SLC23A2: variants seen among roughly 807,000 people sequenced by gnomAD.
SLC23A2 encodes the protein solute carrier family 23 member 2.
SLC23A2 carries 36 observed loss-of-function variants against 73.3 expected under a neutral mutation model. That is an observed-to-expected ratio of 0.49 (90% CI 0.38 to 0.65). The LOEUF (loss-of-function observed/expected upper bound fraction) is 0.65. Ranked by LOEUF, SLC23A2 falls within the 30% of genes least tolerant of loss-of-function variation. The pLI is 0.00. For synonymous variants in SLC23A2, 343 were observed against 327.3 expected (o/e 1.05, Z -0.52); for missense variants, 507 against 841.6 (o/e 0.60, Z 4.92).
intron 3 of SLC23A2, among the ~76,000 whole-genome samples, chr20:4,923,982 G>A (rs1932582755): frequency 1.3e-5 from 2 of 152,142 alleles, no homozygotes; most frequent in South Asian, 4.2e-4. Context: ...AAGAAGGGAT[G>A]GGAAGGAAAC....
At chr20:4,874,801 T>G in intron 9 of SLC23A2, 105 bp from the exon 10 acceptor site, 1 of 920,026 alleles carries the variant, frequency 1.1e-6, no homozygotes, top group East Asian at 2.6e-5. Context: ...TCAATTCATT[T>G]ACCTAGAAAG....
chr20:4,894,087 A>C (rs954924614), intron 6 of SLC23A2, among the ~76,000 whole-genome samples: 1 of 152,196 alleles, frequency 6.6e-6, no homozygotes, highest in Non-Finnish European at 1.5e-5. Context: ...GCTTTGTACT[A>C]ATTCCCGGAA....
intron 13 of SLC23A2, among the ~76,000 whole-genome samples, chr20:4,864,021 T>C (rs1405711942): frequency 6.6e-6 from 1 of 152,114 alleles, no homozygotes; most frequent in African/African-American, 2.4e-5. Flanking sequence ...TCCCCTGGGT[T>C]CCCGGCACCA....
chr20:4,996,912 T>C (rs2088032690), intron 1 of SLC23A2, among the ~76,000 whole-genome samples: 1 of 152,076 alleles, frequency 6.6e-6, no homozygotes, highest in African/African-American at 2.4e-5. Flanking sequence ...GAGGATGACC[T>C]TCCCCAAAAA....
At chr20:4,988,203 G>A (rs1465354090) in intron 1 of SLC23A2, among the ~76,000 whole-genome samples, 1 of 152,064 alleles carries the variant, frequency 6.6e-6, no homozygotes, top group African/African-American at 2.4e-5. Flanking sequence ...TCAGGAGGCT[G>A]AGGCAGGAGA....
chr20:4,983,887 C>T (rs958333552), intron 1 of SLC23A2, among the ~76,000 whole-genome samples: 24 of 150,448 alleles, frequency 1.6e-4, no homozygotes, highest in African/African-American at 3.2e-4. Context: ...ACCCGGGAGG[C>T]GGAGGTTGCA....
intron 3 of SLC23A2, among the ~76,000 whole-genome samples, chr20:4,919,855 AC>A (rs1394782600): frequency 2.6e-5 from 4 of 152,198 alleles, no homozygotes; most frequent in Admixed American, 1.3e-4. Flanking sequence ...AGGGACACAA[AC>A]CCAACAAGAA....
chr20:4,862,728 T>C lies in SLC23A2; in HGVS notation c.1486+50A>G. ...GAGTCAGCAAAAACACCATGACCCC[T>C]ATTAAAAATTTGGAAAAGTAAAGGA... On this transcript the variant is annotated intron_variant, in intron 14 of 16. Coordinates refer to ENST00000338244, the MANE Select transcript of SLC23A2 (RefSeq NM_005116.6). This position sits in a 1 kb window ranked among gnomAD's most constrained non-coding sequence, Gnocchi z 5.1. 1.9e-6 allele frequency: 3 copies of C among 1,557,740 alleles called. No individual in the cohort carries two copies.
chr20:4,999,460 C>T (rs2088080740), intron 1 of SLC23A2, among the ~76,000 whole-genome samples: 1 of 151,998 alleles, frequency 6.6e-6, no homozygotes, highest in Non-Finnish European at 1.5e-5. Context: ...TTTGCTCCAT[C>T]AATGAGATAG....
upstream of SLC23A2, among the ~76,000 whole-genome samples, chr20:5,002,492 G>C (rs575702544): frequency 1.3e-5 from 2 of 152,124 alleles, no homozygotes; most frequent in South Asian, 2.1e-4. Context: ...ACTAGTTCCC[G>C]GGCAACTCTT....
At chr20:4,891,339 A>G (rs1931325271) in intron 6 of SLC23A2, among the ~76,000 whole-genome samples, 1 of 152,220 alleles carries the variant, frequency 6.6e-6, no homozygotes, top group Non-Finnish European at 1.5e-5. Context: ...AACATCACAA[A>G]TACCAGCTAA....
At chr20:5,001,732 G>GC (rs2088131412), upstream of SLC23A2, among the ~76,000 whole-genome samples, 1 of 151,150 alleles carries the variant, frequency 6.6e-6, no homozygotes, top group South Asian at 2.1e-4. Flanking sequence ...CAGAAAGATC[G>GC]CCCCCCTTCG....
chr20:4,855,369 A>G lies in SLC23A2; in HGVS notation c.*1603T>C, dbSNP rs1298712353. 6.6e-6 allele frequency: 1 copy of G among 152,338 alleles called. No homozygotes were observed. Among genetic ancestry groups the G allele is most frequent in the African/African-American group, 2.4e-5 (1 of 41,468 alleles). 9.4% of individuals were successfully genotyped at this position (152,338 alleles called of 1,614,324 possible). ...GGAGACAGGAGACAGGCACCCACGC[A>G]GCTGACCAAAGCTCGACCAGGCCAA... On this transcript the variant is annotated 3_prime_UTR_variant, in exon 17 of 17. Coordinates refer to ENST00000338244, the MANE Select transcript of SLC23A2 (RefSeq NM_005116.6).
chr20:4,857,283 TAC>T lies in SLC23A2; in HGVS notation c.1721-81_1721-80del, dbSNP rs398035250. 43,183 of 413,938 alleles carry T rather than the reference TAC, an allele frequency of 0.1. 659 individuals are homozygous for T. Among genetic ancestry groups the T allele is most frequent in the East Asian group, 0.14 (2,747 of 19,138 alleles). The allele number at this position is 413,938 out of a possible 1,614,324, so 25.6% of individuals were successfully genotyped here. On this transcript the variant is annotated intron_variant, in intron 16 of 16. Coordinates refer to ENST00000338244, the MANE Select transcript of SLC23A2 (RefSeq NM_005116.6). The surrounding 1 kb of genome is among the most constrained non-coding windows in gnomAD (Gnocchi z 4.0). Reference sequence around the variant, plus strand: ...GAAAATGAAACTGTCGTCAAACACATACACACACACACACACACACACACACA... The same window carrying T: ...GAAAATGAAACTGTCGTCAAACACATACACACACACACACACACACACACA...
chr20:4,955,196 G>A (rs762939220), intron 2 of SLC23A2, among the ~76,000 whole-genome samples: 6 of 152,034 alleles, frequency 3.9e-5, no homozygotes, highest in Non-Finnish European at 7.4e-5. Context: ...TGAGGCTGCA[G>A]TGAACAATGA....
intron 9 of SLC23A2, among the ~76,000 whole-genome samples, chr20:4,876,622 C>T (rs929036501): frequency 6.6e-6 from 1 of 152,144 alleles, no homozygotes; most frequent in Non-Finnish European, 1.5e-5. Context: ...GTGCTTCCCA[C>T]CTCATGTTTA....
At chr20:4,894,641 G>A (rs1342880252) in intron 6 of SLC23A2, among the ~76,000 whole-genome samples, 2 of 152,182 alleles carry the variant, frequency 1.3e-5, no homozygotes, top group African/African-American at 2.4e-5. Flanking sequence ...TTTAGGTCTT[G>A]TGACACAACA....
intron 2 of SLC23A2, among the ~76,000 whole-genome samples, chr20:4,961,602 G>C (rs1002541366): frequency 6.6e-6 from 1 of 152,082 alleles, no homozygotes; most frequent in African/African-American, 2.4e-5. Context: ...GTGTGGCCCA[G>C]GGAAGCCAAA....
chr20:4,875,560 T>A (rs1930621040), intron 9 of SLC23A2, among the ~76,000 whole-genome samples: 1 of 152,182 alleles, frequency 6.6e-6, no homozygotes. Flanking sequence ...TCCCTCTCCT[T>A]GAGCCTCACG....
Sources: gnomAD v4.1 joint callset for allele counts (sites outside exome capture counted in the v4.1 genomes callset) on GRCh38, gnomAD v4.1.1 for gene constraint, Gnocchi (gnomAD v3.1) non-coding constraint, MANE v1.5 for transcripts, NCBI Gene and HGNC (gene_info 2026-07-23, HGNC 2026-07-21) for gene names.